KCNC2: variants seen among roughly 807,000 people sequenced by gnomAD.
KCNC2 encodes the protein potassium voltage-gated channel subfamily C member 2.
A neutral mutation model predicts 44.5 loss-of-function variants in KCNC2; 21 were observed. The ratio of observed to expected loss-of-function variants is 0.47; its 90% CI spans 0.33 to 0.68. KCNC2 has a LOEUF of 0.68. Ranked by LOEUF, KCNC2 falls within the 30% of genes least tolerant of loss-of-function variation. The pLI, the probability that KCNC2 is intolerant of heterozygous loss-of-function variation, is 0.01. For synonymous variants in KCNC2, 391 were observed against 339.1 expected (o/e 1.15, Z -1.68); for missense variants, 589 against 826.2 (o/e 0.71, Z 3.52).
At chr12:75,104,881 A>G (rs1344592481) in intron 2 of KCNC2, among the ~76,000 whole-genome samples, 1 of 152,180 alleles carries the variant, frequency 6.6e-6, no homozygotes, top group Non-Finnish European at 1.5e-5. Context: ...CTTCCTTTTA[A>G]GTAATAAAAA....
chr12:75,200,957 G>A (rs2031194621), intron 2 of KCNC2, among the ~76,000 whole-genome samples: 1 of 151,618 alleles, frequency 6.6e-6, no homozygotes, highest in African/African-American at 2.4e-5. Context: ...AAAACATGGT[G>A]TTGTTGATAA....
intron 2 of KCNC2, among the ~76,000 whole-genome samples, chr12:75,186,551 A>G (rs376223053): frequency 6.6e-6 from 1 of 152,230 alleles, no homozygotes; most frequent in East Asian, 1.9e-4. Context: ...GTTCACTACT[A>G]TGAAACAATT....
rs545641168 is a variant in KCNC2 at position 75,120,594 on chromosome 12, G to T, written c.688-69277C>A. On this transcript the variant is annotated intron_variant, in intron 2 of 4. Transcript: ENST00000549446. ...ACAACTGAAGCCAAAGCCATGAAAAGAATATCCTGTCCCTGACACAGAAGT... is the reference window on the plus strand; with the variant it reads ...ACAACTGAAGCCAAAGCCATGAAAATAATATCCTGTCCCTGACACAGAAGT... Among the ~76,000 whole-genome samples, 3 of 152,268 alleles carry T rather than the reference G, an allele frequency of 2.0e-5. No individual in the cohort carries two copies. The South Asian group carries it at 6.2e-4, about 32-fold the overall frequency.
chr12:75,116,362 A>G (rs553405614), intron 2 of KCNC2, among the ~76,000 whole-genome samples: 2 of 152,294 alleles, frequency 1.3e-5, no homozygotes, highest in South Asian at 4.1e-4. Flanking sequence ...TGGAATTGTT[A>G]TTATTAAAAT....
At chr12:75,109,925 G>A (rs1887091106) in intron 2 of KCNC2, among the ~76,000 whole-genome samples, 1 of 151,934 alleles carries the variant, frequency 6.6e-6, no homozygotes, top group African/African-American at 2.4e-5. Context: ...GGAAATGAAA[G>A]AGAAGATGAC....
chr12:75,097,849 G>T (rs116251897), intron 2 of KCNC2, among the ~76,000 whole-genome samples: 7 of 152,016 alleles, frequency 4.6e-5, no homozygotes, highest in Non-Finnish European at 1.0e-4. Flanking sequence ...GACAGTGTTC[G>T]TAAATACATC....
chr12:75,080,315 CTG>C (rs1403919720), intron 2 of KCNC2, among the ~76,000 whole-genome samples: 2 of 151,790 alleles, frequency 1.3e-5, no homozygotes, highest in Non-Finnish European at 2.9e-5. Context: ...GGATTAGAAA[CTG>C]TTTTGTTTTA....
chr12:75,066,768 AG>A (rs1882872622), intron 2 of KCNC2, among the ~76,000 whole-genome samples: 1 of 152,258 alleles, frequency 6.6e-6, no homozygotes, highest in Admixed American at 6.5e-5. Context: ...GTGGTTTTAA[AG>A]TGATAATTGT....
chr12:75,177,797 C>T (rs1235483959), intron 2 of KCNC2, among the ~76,000 whole-genome samples: 1 of 151,878 alleles, frequency 6.6e-6, no homozygotes, highest in African/African-American at 2.4e-5. Flanking sequence ...TGGGATTTTT[C>T]TTGGACCAAT....
At chr12:75,115,258 A>G (rs1887576732) in intron 2 of KCNC2, among the ~76,000 whole-genome samples, 1 of 152,188 alleles carries the variant, frequency 6.6e-6, no homozygotes, top group South Asian at 2.1e-4. Context: ...ACTGATACTT[A>G]TGAAACTTCT....
Position 75,107,187 on chromosome 12 carries a change from C to G in KCNC2, c.688-55870G>C, listed in dbSNP as rs576830239. Among the ~76,000 whole-genome samples the G allele has an allele frequency of 3.7e-4, 56 of 152,126 alleles. 1 individual carries two copies. The highest frequency in any genetic ancestry group is 1.3e-3 in the African/African-American group (56 of 41,506). On this transcript the variant is annotated intron_variant, in intron 2 of 4. Transcript: ENST00000549446. ...GGTGTGGTGTCACACACCTGTGGTC[C>G]CAGCTACTCTGGAGGCTGAGGCAGC...
At chr12:75,132,248 T>A (rs920863686) in intron 2 of KCNC2, among the ~76,000 whole-genome samples, 5 of 152,102 alleles carry the variant, frequency 3.3e-5, no homozygotes, top group African/African-American at 7.2e-5. Context: ...TATAAAAAAA[T>A]TAGCTATTTC....
At chr12:75,158,653 A>G (rs982348366) in intron 2 of KCNC2, among the ~76,000 whole-genome samples, 1 of 151,886 alleles carries the variant, frequency 6.6e-6, no homozygotes, top group Admixed American at 6.6e-5. Flanking sequence ...AAAGGAGGAA[A>G]CCATAACAAG....
chr12:75,158,740 G>A (rs535248517), intron 2 of KCNC2, among the ~76,000 whole-genome samples: 11 of 151,738 alleles, frequency 7.2e-5, no homozygotes, highest in Non-Finnish European at 1.5e-4. Context: ...AATGGATCTG[G>A]GTAGTTACAC....
intron 2 of KCNC2, among the ~76,000 whole-genome samples, chr12:75,074,136 G>GT (rs1485267358): frequency 6.7e-6 from 1 of 150,022 alleles, no homozygotes; most frequent in African/African-American, 2.5e-5. Context: ...AGCATGTTAA[G>GT]TAAAAAAAAG....
In KCNC2 at chr12:75,041,132, T is replaced by A. The variant is rs768688622; in HGVS notation, c.*1973A>T. The stretch of plus-strand genomic sequence containing the variant: ...TTCAGCAGCAGAAGTCTGTTTCCAG[T>A]ATAGTCCTTGGTATGGCTAAATTCC... On this transcript the variant is annotated 3_prime_UTR_variant, in exon 5 of 5. Transcript: ENST00000549446. 1 of 1,596,764 alleles carries A rather than the reference T, an allele frequency of 6.3e-7. No individual in the cohort carries two copies. Among genetic ancestry groups the A allele is most frequent in the South Asian group, 1.1e-5 (1 of 91,058 alleles).
At chr12:75,155,994 GA>G (rs145528375) in intron 2 of KCNC2, among the ~76,000 whole-genome samples, 3,535 of 151,934 alleles carry the variant, frequency 0.023, 136 homozygotes, top group African/African-American at 0.08. Context: ...TTCTTTAGAG[GA>G]AGTGGAGTTG....
intron 2 of KCNC2, among the ~76,000 whole-genome samples, chr12:75,163,632 G>A (rs1203179330): frequency 3.3e-5 from 5 of 151,626 alleles, no homozygotes; most frequent in South Asian, 2.1e-4. Flanking sequence ...TGCTACTTAC[G>A]CACGCCAATC....
At chr12:75,179,615 G>T (rs1892420500) in intron 2 of KCNC2, among the ~76,000 whole-genome samples, 1 of 116,486 alleles carries the variant, frequency 8.6e-6, no homozygotes, top group Non-Finnish European at 1.8e-5. Flanking sequence ...TTTTATAAAA[G>T]ATAGTTTTAT....
Sources: gnomAD v4.1 joint callset for allele counts (sites outside exome capture counted in the v4.1 genomes callset) on GRCh38, gnomAD v4.1.1 for gene constraint, MANE v1.5 for transcripts, NCBI Gene and HGNC (gene_info 2026-07-23, HGNC 2026-07-21) for gene names.